Variants in TRPM3 observed in about 807,000 individuals in gnomAD.
TRPM3 encodes transient receptor potential cation channel subfamily M member 3, also known as long transient receptor potential channel 3.
A neutral mutation model predicts 181.2 loss-of-function variants in TRPM3; 77 were observed. The ratio of observed to expected loss-of-function variants is 0.42; its 90% CI spans 0.35 to 0.51. The LOEUF (loss-of-function observed/expected upper bound fraction) is 0.51. Ranked by LOEUF, TRPM3 falls within the 20% of genes least tolerant of loss-of-function variation. The pLI is 0.01. For synonymous variants in TRPM3, 745 were observed against 796.4 expected (o/e 0.94, Z 1.09); for missense variants, 1,759 against 2,196.7 (o/e 0.80, Z 3.98).
chr9:71,387,263 C>T (rs1035085638), intron 1 of TRPM3, among the ~76,000 whole-genome samples: 2 of 152,120 alleles, frequency 1.3e-5, no homozygotes, highest in African/African-American at 2.4e-5. Context: ...CCAAAGAACG[C>T]CAAAGAATTC....
chr9:70,968,277 A>T (rs905790502), intron 1 of TRPM3, among the ~76,000 whole-genome samples: 1 of 152,000 alleles, frequency 6.6e-6, no homozygotes, highest in African/African-American at 2.4e-5. Context: ...GTCACTCAAG[A>T]TATGTCCCTA....
chr9:70,792,396 G>A (rs1020134981), intron 6 of TRPM3, among the ~76,000 whole-genome samples: 1 of 152,010 alleles, frequency 6.6e-6, no homozygotes, highest in Non-Finnish European at 1.5e-5. Flanking sequence ...GGGTACCATG[G>A]AGGGGAGAGA....
At chr9:71,176,311 A>G (rs61436351) in intron 1 of TRPM3, among the ~76,000 whole-genome samples, 3,147 of 152,206 alleles carry the variant, frequency 0.021, 120 homozygotes, top group African/African-American at 0.072. Flanking sequence ...AGTGATATTG[A>G]TGATCCTGAC....
intron 1 of TRPM3, among the ~76,000 whole-genome samples, chr9:71,105,983 C>G (rs534395117): frequency 1.3e-5 from 2 of 151,972 alleles, no homozygotes; most frequent in African/African-American, 2.4e-5. Flanking sequence ...ATTGAGCTTA[C>G]AGAAAAAATT....
intron 8 of TRPM3, among the ~76,000 whole-genome samples, chr9:70,682,171 A>T (rs564589476): frequency 7.2e-5 from 11 of 152,300 alleles, no homozygotes; most frequent in Admixed American, 3.9e-4. Flanking sequence ...CCAATAAAAA[A>T]ATAAAACTAT....
At chr9:71,338,537 A>G (rs1232988133) in intron 1 of TRPM3, among the ~76,000 whole-genome samples, 1 of 152,146 alleles carries the variant, frequency 6.6e-6, no homozygotes, top group Non-Finnish European at 1.5e-5. Flanking sequence ...ACCTATGATC[A>G]ATGTTAAACT....
chr9:70,792,398 G>A (rs984573771), intron 6 of TRPM3, among the ~76,000 whole-genome samples: 6 of 151,920 alleles, frequency 3.9e-5, no homozygotes, highest in Admixed American at 2.0e-4. Flanking sequence ...GTACCATGGA[G>A]GGGAGAGATC....
At chr9:70,845,353 G>T (rs1056415125) in intron 4 of TRPM3, among the ~76,000 whole-genome samples, 21 of 152,058 alleles carry the variant, frequency 1.4e-4, no homozygotes, top group African/African-American at 4.8e-4. Flanking sequence ...AATTCTCCTG[G>T]TTCAGCCTCC....
chr9:70,926,823 T>C (rs2096725940), intron 1 of TRPM3, among the ~76,000 whole-genome samples: 1 of 152,190 alleles, frequency 6.6e-6, no homozygotes, highest in South Asian at 2.1e-4. Flanking sequence ...AAACTAAATT[T>C]TCAAAGGTGT....
At chr9:71,134,454 A>G (rs1338515976) in intron 1 of TRPM3, among the ~76,000 whole-genome samples, 2 of 149,624 alleles carry the variant, frequency 1.3e-5, no homozygotes, top group East Asian at 4.0e-4. Context: ...TGGGAGGCTG[A>G]GGCAGGAGAA....
intron 1 of TRPM3, among the ~76,000 whole-genome samples, chr9:71,332,336 C>T (rs1265879983): frequency 6.6e-6 from 1 of 150,676 alleles, no homozygotes; most frequent in Non-Finnish European, 1.5e-5. Flanking sequence ...TGTCTAACTG[C>T]CCCCAAAAAC....
chr9:70,604,813 A>G (rs922847820), intron 19 of TRPM3, among the ~76,000 whole-genome samples: 2 of 151,814 alleles, frequency 1.3e-5, no homozygotes, highest in African/African-American at 4.8e-5. Context: ...CACCCAGCTA[A>G]GTTTTTGTAT....
intron 1 of TRPM3, among the ~76,000 whole-genome samples, chr9:71,203,521 A>G (rs1418929007): frequency 2.6e-5 from 4 of 152,196 alleles, no homozygotes; most frequent in African/African-American, 9.7e-5. Context: ...TAGGGGATGG[A>G]TAAAACTGAG....
intron 1 of TRPM3, among the ~76,000 whole-genome samples, chr9:71,331,405 T>C (rs1040153495): frequency 3.3e-5 from 5 of 151,890 alleles, no homozygotes; most frequent in Non-Finnish European, 2.9e-5. Flanking sequence ...TCATAATAGA[T>C]GGCACAGTAA....
chr9:71,231,832 C>T (rs992261031), intron 1 of TRPM3, among the ~76,000 whole-genome samples: 7 of 152,152 alleles, frequency 4.6e-5, no homozygotes, highest in Admixed American at 1.3e-4. Flanking sequence ...CCAGGTACTA[C>T]GCTCACTGCC....
chr9:70,695,712 C>T (rs558341256), intron 8 of TRPM3, among the ~76,000 whole-genome samples: 6 of 152,296 alleles, frequency 3.9e-5, no homozygotes, highest in South Asian at 2.1e-4. Flanking sequence ...GTACTTACGA[C>T]ATGCTAAACA....
chr9:70,620,001 C>T (rs1015826360), intron 16 of TRPM3, 75 bp downstream of exon 16: 1 of 1,469,264 alleles, frequency 6.8e-7, no homozygotes, highest in Non-Finnish European at 9.2e-7. Flanking sequence ...TTCTGAGTAG[C>T]TCAGACTCTC....
chr9:70,993,475 T>TC (rs2097508706), intron 1 of TRPM3, among the ~76,000 whole-genome samples: 1 of 152,054 alleles, frequency 6.6e-6, no homozygotes, highest in Non-Finnish European at 1.5e-5. Context: ...CATTGGATGA[T>TC]CCTCCTATTG....
chr9:71,194,893 T>C (rs1003894344), intron 1 of TRPM3, among the ~76,000 whole-genome samples: 66 of 151,980 alleles, frequency 4.3e-4, no homozygotes, highest in Non-Finnish European at 2.5e-4. Flanking sequence ...AAATCTATAC[T>C]GCAAAAAACA....
Sources: allele counts gnomAD v4.1 joint callset (sites outside exome capture counted in the v4.1 genomes callset), GRCh38; gene constraint gnomAD v4.1.1; transcripts MANE v1.5; gene names NCBI Gene and HGNC (gene_info 2026-07-23, HGNC 2026-07-21).